The following NALF1 variants were observed in gnomAD, a reference collection of about 807,000 sequenced individuals.
The protein encoded by NALF1 is family with sequence similarity 155 member A.
Under a neutral mutation model 48.4 loss-of-function variants are expected in NALF1, and 3 were observed. The ratio of observed to expected loss-of-function variants is 0.06; its 90% confidence interval spans 0.03 to 0.16. The LOEUF (loss-of-function observed/expected upper bound fraction) is 0.16, where lower values mean the gene tolerates loss of function less well. Among genes scored for constraint, NALF1 ranks in the 10% least tolerant of loss-of-function variants. The probability of loss-of-function intolerance (pLI) is 1.00; values close to 1 mark genes in which losing one functional copy is unlikely to be tolerated. For missense variants in NALF1, 526 were observed against 571.5 expected, an observed-to-expected ratio of 0.92 and a Z score of 0.81; for synonymous variants, 262 against 245.7, an observed-to-expected ratio of 1.07 and a Z score of -0.62.
At chr13:107,219,694 G>A (rs1400032641) in intron 1 of NALF1, among the ~76,000 whole-genome samples, 1 of 152,156 alleles carries the variant, frequency 6.6e-6, no homozygotes, top group Non-Finnish European at 1.5e-5. Flanking sequence ...AACGCACTGA[G>A]TAGAGCTATA....
intron 1 of NALF1, among the ~76,000 whole-genome samples, chr13:107,266,140 C>T (rs1211882461): frequency 5.9e-5 from 9 of 152,260 alleles, no homozygotes; most frequent in East Asian, 3.9e-4. Flanking sequence ...ACTGCATAAG[C>T]GAGCTGAAAA....
chr13:107,248,394 C>T (rs1025083232), intron 1 of NALF1, among the ~76,000 whole-genome samples: 2 of 151,962 alleles, frequency 1.3e-5, no homozygotes, highest in African/African-American at 4.8e-5. Context: ...AGTTATCCAA[C>T]TGCTTATGGC....
intron 1 of NALF1, among the ~76,000 whole-genome samples, chr13:107,592,036 C>A (rs2138418081): frequency 6.6e-6 from 1 of 152,032 alleles, no homozygotes; most frequent in African/African-American, 2.4e-5. Context: ...GCTATACTAT[C>A]ATCTCATTTT....
At chr13:107,620,236 GATTTCAA>G (rs1170869432) in intron 1 of NALF1, among the ~76,000 whole-genome samples, 3 of 152,116 alleles carry the variant, frequency 2.0e-5, no homozygotes, top group African/African-American at 7.2e-5. Flanking sequence ...CCAGAGAAGA[GATTTCAA>G]AAGAATGGTA....
chr13:107,792,158 A>C (rs905974842), intron 1 of NALF1, among the ~76,000 whole-genome samples: 4 of 152,190 alleles, frequency 2.6e-5, no homozygotes, highest in African/African-American at 9.6e-5. Flanking sequence ...AAGACCAAGA[A>C]GCTATCTCAG....
In NALF1 at chr13:107,501,485, A is replaced by G. The variant is rs953123108; in HGVS notation, c.916-290730T>C. Among the ~76,000 whole-genome samples, 3 of 152,198 alleles carry G rather than the reference A, an allele frequency of 2.0e-5. No individual in the cohort carries two copies. In the East Asian group the frequency reaches 5.8e-4, roughly 29 times the overall value. On this transcript the variant is annotated intron_variant, in intron 1 of 2. Coordinates refer to ENST00000375915, the MANE Select transcript of NALF1 (RefSeq NM_001080396.3). The stretch of plus-strand genomic sequence containing the variant: ...TGCTGGAGCAGCAAATATTTTGAAC[A>G]ATGACTCAATAAACAGAAGTTTTTA...
At chr13:107,415,244 C>T (rs9587382) in intron 1 of NALF1, among the ~76,000 whole-genome samples, 31,033 of 151,990 alleles carry the variant, frequency 0.2, 3,588 homozygotes, top group Middle Eastern at 0.27. Flanking sequence ...TTTATTATGA[C>T]GCTGAGGAAC....
chr13:107,619,656 T>C (rs1879471374), intron 1 of NALF1, among the ~76,000 whole-genome samples: 1 of 152,196 alleles, frequency 6.6e-6, no homozygotes, highest in Non-Finnish European at 1.5e-5. Context: ...ACTTAATTTT[T>C]AGAGCAGAAT....
chr13:107,775,069 T>C (rs974591550), intron 1 of NALF1, among the ~76,000 whole-genome samples: 2 of 152,224 alleles, frequency 1.3e-5, no homozygotes, highest in Admixed American at 6.5e-5. Context: ...TTATTTTTAA[T>C]TATACTTTAA....
chr13:107,534,134 C>T (rs1876729308), intron 1 of NALF1, among the ~76,000 whole-genome samples: 2 of 151,970 alleles, frequency 1.3e-5, no homozygotes, highest in African/African-American at 2.4e-5. Flanking sequence ...GTGTGAGATA[C>T]GTAGGTTCTG....
At chr13:107,314,445 TCTC>T (rs1296711365) in intron 1 of NALF1, among the ~76,000 whole-genome samples, 2 of 152,110 alleles carry the variant, frequency 1.3e-5, no homozygotes, top group Non-Finnish European at 2.9e-5. Flanking sequence ...CCTGTTCTCT[TCTC>T]CTAGTTCCAC....
chr13:107,352,198 T>C (rs1324175327), intron 1 of NALF1, among the ~76,000 whole-genome samples: 1 of 152,106 alleles, frequency 6.6e-6, no homozygotes, highest in Admixed American at 6.5e-5. Context: ...TCAGGAATGC[T>C]GGTAAGTTGT....
intron 1 of NALF1, among the ~76,000 whole-genome samples, chr13:107,533,594 C>G (rs1388537089): frequency 6.6e-6 from 1 of 152,092 alleles, no homozygotes; most frequent in Non-Finnish European, 1.5e-5. Context: ...TTTGCTACAG[C>G]AGCACAAACA....
chr13:107,339,720 T>C (rs1173706174), intron 1 of NALF1, among the ~76,000 whole-genome samples: 2 of 152,160 alleles, frequency 1.3e-5, no homozygotes, highest in African/African-American at 4.8e-5. Context: ...ACATTTTACT[T>C]CCCAGTAATG....
chr13:107,423,078 T>C (rs932275993), intron 1 of NALF1, among the ~76,000 whole-genome samples: 16 of 152,190 alleles, frequency 1.1e-4, no homozygotes, highest in Non-Finnish European at 1.6e-4. Context: ...TACATTCGTG[T>C]TCATTTGTTA....
rs938052006 is a variant in NALF1, at chr13:107,672,908, G to A, written c.915+192774C>T. Among the ~76,000 whole-genome samples the A allele has an allele frequency of 4.1e-4, 63 of 151,900 alleles. 1 individual carries two copies. The highest frequency in any genetic ancestry group is 1.2e-3 in the African/African-American group (51 of 41,382). ...ACCTCATCTTCGCCTTTTTCTCCCC[G>A]CGCCCCCACCGCCCAATACTTCCCT... On this transcript the variant is annotated intron_variant, in intron 1 of 2. Coordinates refer to ENST00000375915, the MANE Select transcript of NALF1 (RefSeq NM_001080396.3).
intron 1 of NALF1, among the ~76,000 whole-genome samples, chr13:107,533,460 C>A (rs1876704632): frequency 2.6e-5 from 4 of 152,096 alleles, no homozygotes; most frequent in Admixed American, 2.6e-4. Context: ...CCTTCCTCCC[C>A]TACAGAGGAG....
At chr13:107,753,339 G>A (rs933020444) in intron 1 of NALF1, among the ~76,000 whole-genome samples, 4 of 152,102 alleles carry the variant, frequency 2.6e-5, no homozygotes, top group African/African-American at 9.7e-5. Flanking sequence ...AATCCACACA[G>A]GTTTTCTGAG....
chr13:107,230,118 T>A (rs143537184), intron 1 of NALF1, among the ~76,000 whole-genome samples: 1 of 152,308 alleles, frequency 6.6e-6, no homozygotes, highest in African/African-American at 2.4e-5. Context: ...CCTCTCTTTA[T>A]GGATAGAAAC....
Sources: gnomAD v4.1 joint callset for allele counts (sites outside exome capture counted in the v4.1 genomes callset) on GRCh38, gnomAD v4.1.1 for gene constraint, MANE v1.5 for transcripts, NCBI Gene and HGNC (gene_info 2026-07-23, HGNC 2026-07-21) for gene names.